Variants in CADM2 observed in about 807,000 individuals in gnomAD.
CADM2 encodes immunoglobulin superfamily member 4D.
In CADM2, 12 loss-of-function variants were observed where a neutral mutation model predicts 49.8. The observed-to-expected ratio is 0.24, with a 90% CI of 0.15 to 0.39. The LOEUF (loss-of-function observed/expected upper bound fraction) is 0.39. CADM2 is among the 10% of genes least tolerant of loss of function. The pLI is 1.00. For missense variants in CADM2, 378 were observed against 492.3 expected (o/e 0.77, Z 2.20); for synonymous variants, 214 against 175.4 (o/e 1.22, Z -1.74).
chr3:85,679,873 G>T (rs987554544), intron 1 of CADM2, among the ~76,000 whole-genome samples: 3 of 151,962 alleles, frequency 2.0e-5, no homozygotes, highest in Admixed American at 2.0e-4. Flanking sequence ...CCTCTCTATT[G>T]GGTATTAGTC....
chr3:85,617,514 C>T (rs1038033746), intron 1 of CADM2, among the ~76,000 whole-genome samples: 1 of 152,100 alleles, frequency 6.6e-6, no homozygotes, highest in African/African-American at 2.4e-5. Flanking sequence ...TGTGTTCATC[C>T]AGAAGCTCTC....
chr3:85,527,445 T>C (rs2061188770), intron 1 of CADM2, among the ~76,000 whole-genome samples: 1 of 94,792 alleles, frequency 1.1e-5, no homozygotes, highest in Non-Finnish European at 2.7e-5. Context: ...GTACTATTAC[T>C]TCTACAAACT....
At chr3:85,019,485 A>G (rs889841445) in intron 1 of CADM2, among the ~76,000 whole-genome samples, 1 of 152,136 alleles carries the variant, frequency 6.6e-6, no homozygotes, top group Non-Finnish European at 1.5e-5. Flanking sequence ...CCTGTATGAA[A>G]AAACAAAGTG....
At chr3:86,001,498 T>C (rs888555393) in intron 8 of CADM2, among the ~76,000 whole-genome samples, 1 of 152,054 alleles carries the variant, frequency 6.6e-6, no homozygotes, top group African/African-American at 2.4e-5. Context: ...AGTGCTTTGA[T>C]TGAGAAGATA....
chr3:85,033,558 T>TCTTCC (rs1295435049), intron 1 of CADM2, among the ~76,000 whole-genome samples: 1 of 152,192 alleles, frequency 6.6e-6, no homozygotes, highest in Non-Finnish European at 1.5e-5. Flanking sequence ...ATATTCCCTG[T>TCTTCC]ATTTCCTGAT....
chr3:85,986,496 C>T (rs1402900646), intron 8 of CADM2, among the ~76,000 whole-genome samples: 1 of 151,886 alleles, frequency 6.6e-6, no homozygotes, highest in Non-Finnish European at 1.5e-5. Flanking sequence ...ACACAATTTG[C>T]ACAATGTTGT....
intron 1 of CADM2, among the ~76,000 whole-genome samples, chr3:85,289,805 T>C (rs2043731873): frequency 6.6e-6 from 1 of 152,196 alleles, no homozygotes; most frequent in South Asian, 2.1e-4. Flanking sequence ...ACTGCTTAAA[T>C]AAATTTACTT....
chr3:85,884,616 A>G (rs1435820611), intron 4 of CADM2, among the ~76,000 whole-genome samples: 1 of 152,134 alleles, frequency 6.6e-6, no homozygotes, highest in Admixed American at 6.5e-5. Context: ...GGTAGTATGT[A>G]GGTGAAGACA....
intron 1 of CADM2, among the ~76,000 whole-genome samples, chr3:85,273,381 T>C (rs1447766595): frequency 6.6e-6 from 1 of 151,270 alleles, no homozygotes; most frequent in South Asian, 2.1e-4. Context: ...GGAAGCTGTG[T>C]TGAGTAAAAT....
chr3:85,220,951 T>G (rs1003722916), intron 1 of CADM2, among the ~76,000 whole-genome samples: 2 of 152,148 alleles, frequency 1.3e-5, no homozygotes, highest in African/African-American at 4.8e-5. Flanking sequence ...CCCTGAAAAT[T>G]ATAGCGGTCT....
intron 1 of CADM2, among the ~76,000 whole-genome samples, chr3:85,231,010 ACT>A (rs1352941910): frequency 2.0e-5 from 3 of 151,096 alleles, no homozygotes; most frequent in Non-Finnish European, 4.4e-5. Context: ...AAAAAAAAAA[ACT>A]CTCTTGCCTT....
rs375185020 is a variant in CADM2, at chr3:85,153,639, C to A, written c.61+193971C>A. 2.0e-4 allele frequency among the ~76,000 whole-genome samples: 30 copies of A among 152,246 alleles called. No individual in the cohort carries two copies. The East Asian group carries it at 4.8e-3, about 25-fold the overall frequency. On this transcript the variant is annotated intron_variant, in intron 1 of 9. Transcript: ENST00000383699. Reference sequence around the variant, plus strand: ...GTAGGCTCCATCTCTGGGGGCAGGGCACAGACAAACAAAAAGACAGCAGTA... The same window carrying A: ...GTAGGCTCCATCTCTGGGGGCAGGGAACAGACAAACAAAAAGACAGCAGTA...
chr3:85,126,604 GT>G (rs1355231614), intron 1 of CADM2, among the ~76,000 whole-genome samples: 94 of 151,936 alleles, frequency 6.2e-4, no homozygotes, highest in Admixed American at 2.0e-3. Flanking sequence ...ATTCTGTTAA[GT>G]TTTAACCATA....
chr3:85,554,953 C>G (rs1225644294), intron 1 of CADM2, among the ~76,000 whole-genome samples: 1 of 151,012 alleles, frequency 6.6e-6, no homozygotes, highest in African/African-American at 2.5e-5. Flanking sequence ...CAGCCTCAAA[C>G]CATCCTCTCA....
rs541665572 is a variant in CADM2 at position 85,953,126 on chromosome 3, A to G, written c.792-8343A>G. Among the ~76,000 whole-genome samples, 4 of 150,660 alleles carry G rather than the reference A, an allele frequency of 2.7e-5. No individual in the cohort carries two copies. In the East Asian group the frequency reaches 7.8e-4, roughly 30 times the overall value. On this transcript the variant is annotated intron_variant, in intron 7 of 9. Transcript: ENST00000383699. Reference sequence around the variant, plus strand: ...TCCCACATTTCATTCTCTCTTCTATATTGGTGTAATCATCAGTTTTCTGGT... The same window carrying G: ...TCCCACATTTCATTCTCTCTTCTATGTTGGTGTAATCATCAGTTTTCTGGT...
At chr3:85,960,058 G>C (rs1559767721) in intron 7 of CADM2, among the ~76,000 whole-genome samples, 1 of 151,882 alleles carries the variant, frequency 6.6e-6, no homozygotes, top group African/African-American at 2.4e-5. Flanking sequence ...TATGTTAGGA[G>C]CTGGGGGAGA....
chr3:85,708,555 G>C (rs984062023), intron 1 of CADM2, among the ~76,000 whole-genome samples: 1 of 152,084 alleles, frequency 6.6e-6, no homozygotes, highest in Non-Finnish European at 1.5e-5. Flanking sequence ...TGAATCCCTT[G>C]TGATGCAACA....
chr3:85,979,194 T>C (rs755994571), intron 8 of CADM2: 8 of 1,610,632 alleles, frequency 5.0e-6, no homozygotes, highest in Non-Finnish European at 6.8e-6. Context: ...CCCACTACTA[T>C]CATCCCCTCC....
At position 85,853,844 on chromosome 3, in the gene CADM2, G is replaced by A. The variant is rs778858641; in HGVS notation, c.239-29447G>A. 5.0e-4 allele frequency among the ~76,000 whole-genome samples: 76 copies of A among 152,172 alleles called. No homozygotes were observed. The Middle Eastern group carries it at 0.024, about 48-fold the overall frequency. On this transcript the variant is annotated intron_variant, in intron 3 of 9. Coordinates refer to ENST00000383699, the MANE Select transcript of CADM2 (RefSeq NM_001167675.2). Reference sequence around the variant, plus strand: ...TGCTTGAAGTTCCACTTTAGGAAAAGGCAGAATAGAATTTTCTGGGTCATT... The same window carrying A: ...TGCTTGAAGTTCCACTTTAGGAAAAAGCAGAATAGAATTTTCTGGGTCATT...
Sources: gnomAD v4.1 joint callset for allele counts (sites outside exome capture counted in the v4.1 genomes callset) on GRCh38, gnomAD v4.1.1 for gene constraint, MANE v1.5 for transcripts, NCBI Gene and HGNC (gene_info 2026-07-23, HGNC 2026-07-21) for gene names.